Variants in ANKFN1 observed in about 807,000 individuals in gnomAD.
ANKFN1 encodes ankyrin repeat and fibronectin type III domain containing 1.
Under a neutral mutation model 108.7 loss-of-function variants are expected in ANKFN1, and 74 were observed. That is an observed-to-expected ratio of 0.68 (90% CI 0.56 to 0.83). The LOEUF is 0.83. ANKFN1 is among the 40% of genes least tolerant of loss of function. ANKFN1 has a pLI of 0.00. For synonymous variants in ANKFN1, 547 were observed against 516.2 expected, an observed-to-expected ratio of 1.06 and a Z score of -0.81; for missense variants, 1,505 against 1,382.3, an observed-to-expected ratio of 1.09 and a Z score of -1.41.
chr17:56,168,548 AG>A (rs1910365626), intron 1 of ANKFN1, among the ~76,000 whole-genome samples: 1 of 152,226 alleles, frequency 6.6e-6, no homozygotes, highest in South Asian at 2.1e-4. Context: ...TTAAATTCAC[AG>A]GAAATGTATT....
chr17:56,477,353 T>C, intron 15 of ANKFN1, 135 bp from the exon 16 acceptor site: 2 of 794,032 alleles, frequency 2.5e-6, no homozygotes, highest in Non-Finnish European at 1.8e-6. Flanking sequence ...ATGGTATACC[T>C]GAGGTTTCTC....
At chr17:56,492,612 C>T (rs1049905376) in intron 19 of ANKFN1, among the ~76,000 whole-genome samples, 13 of 152,040 alleles carry the variant, frequency 8.6e-5, no homozygotes, top group African/African-American at 3.1e-4. Flanking sequence ...GCTTTCCATA[C>T]GGGAGAGAAA....
chr17:56,248,940 C>T (rs2043176059), intron 3 of ANKFN1, among the ~76,000 whole-genome samples: 3 of 152,276 alleles, frequency 2.0e-5, no homozygotes, highest in Admixed American at 2.0e-4. Context: ...AGCAACCAAA[C>T]TTAATCCGGC....
At chr17:56,447,898 C>T (rs1449996032) in intron 10 of ANKFN1, among the ~76,000 whole-genome samples, 1 of 152,186 alleles carries the variant, frequency 6.6e-6, no homozygotes, top group African/African-American at 2.4e-5. Flanking sequence ...AGGATTCACA[C>T]CTGTGTTTAC....
At chr17:56,079,042 T>C (rs1331580849) in intron 4 of ANKFN1, among the ~76,000 whole-genome samples, 1 of 152,162 alleles carries the variant, frequency 6.6e-6, no homozygotes, top group Non-Finnish European at 1.5e-5. Context: ...CCTGTAGCTC[T>C]TAAACGAGTG....
In ANKFN1 at chr17:56,087,377, G is replaced by T. The variant is rs1028861203; in HGVS notation, c.288+41052G>T. On this transcript the variant is annotated intron_variant, in intron 4 of 12. Coordinates refer to the ANKFN1 transcript ENST00000635860. Reference sequence around the variant, plus strand: ...ATGATGCCTCACCTGACCTTGGAAAGCACGTGTGGAACCCACTATGTCCTT... The same window carrying T: ...ATGATGCCTCACCTGACCTTGGAAATCACGTGTGGAACCCACTATGTCCTT... Among the ~76,000 whole-genome samples the T allele has an allele frequency of 1.5e-4, 23 of 151,384 alleles. 1 individual carries two copies. Among genetic ancestry groups the T allele is most frequent in the African/African-American group, 4.9e-4 (20 of 41,234 alleles).
intron 8 of ANKFN1, among the ~76,000 whole-genome samples, chr17:56,385,711 C>A (rs1441925818): frequency 1.3e-5 from 2 of 152,264 alleles, no homozygotes; most frequent in East Asian, 1.9e-4. Context: ...CCAAAAAACA[C>A]ATGAAAAAAT....
At chr17:56,302,361 C>T (rs1040904621) in intron 3 of ANKFN1, among the ~76,000 whole-genome samples, 1 of 151,752 alleles carries the variant, frequency 6.6e-6, no homozygotes, top group Non-Finnish European at 1.5e-5. Context: ...CTCATCTCTA[C>T]AAAAAATTAA....
intron 6 of ANKFN1, among the ~76,000 whole-genome samples, chr17:56,357,643 C>T (rs1349395946): frequency 6.6e-6 from 1 of 152,164 alleles, no homozygotes; most frequent in East Asian, 1.9e-4. Context: ...TTTTAATTCA[C>T]TTTATATATC....
At chr17:56,106,398 T>C (rs1274822713) in intron 4 of ANKFN1, among the ~76,000 whole-genome samples, 1 of 152,198 alleles carries the variant, frequency 6.6e-6, no homozygotes, top group East Asian at 1.9e-4. Flanking sequence ...TTATGTTACA[T>C]GTGTACAAAG....
At chr17:56,134,276 A>C (rs1268896745) in intron 4 of ANKFN1, among the ~76,000 whole-genome samples, 1 of 152,116 alleles carries the variant, frequency 6.6e-6, no homozygotes, top group Non-Finnish European at 1.5e-5. Flanking sequence ...TGGCACATGG[A>C]TGCATTTGCC....
chr17:56,118,163 A>G (rs570410304), intron 4 of ANKFN1, among the ~76,000 whole-genome samples: 24 of 152,196 alleles, frequency 1.6e-4, no homozygotes, highest in African/African-American at 5.3e-4. Flanking sequence ...TCTACTTCTC[A>G]GCTATTATGC....
intron 6 of ANKFN1, 50 bp from the exon 7 acceptor site, chr17:56,372,596 C>G (rs1341975348): frequency 1.3e-6 from 2 of 1,489,904 alleles, no homozygotes; most frequent in Admixed American, 2.0e-5. Flanking sequence ...TCCAATGAAG[C>G]AGCATTTCCC....
At chr17:56,193,384 C>T (rs1352229080) in intron 1 of ANKFN1, among the ~76,000 whole-genome samples, 1 of 147,522 alleles carries the variant, frequency 6.8e-6, no homozygotes, top group Non-Finnish European at 1.5e-5. Flanking sequence ...CACATGTACC[C>T]TAAAACTTAA....
chr17:56,152,518 G>T (rs1021423058), upstream of ANKFN1, among the ~76,000 whole-genome samples: 2 of 151,928 alleles, frequency 1.3e-5, no homozygotes, highest in Non-Finnish European at 2.9e-5. Context: ...GGGTAATGGG[G>T]CTCTGGGCTC....
At chr17:56,312,621 C>T (rs1434403930) in intron 3 of ANKFN1, among the ~76,000 whole-genome samples, 4 of 152,158 alleles carry the variant, frequency 2.6e-5, no homozygotes, top group South Asian at 2.1e-4. Flanking sequence ...TGCTACCTGT[C>T]GCCTGCTGGA....
At chr17:56,401,475 A>C (rs2047764427) in intron 8 of ANKFN1, among the ~76,000 whole-genome samples, 1 of 151,670 alleles carries the variant, frequency 6.6e-6, no homozygotes, top group East Asian at 1.9e-4. Context: ...TCTTGATTTG[A>C]TTATCTGCTT....
At chr17:56,504,586 T>C (rs937446117) in intron 20 of ANKFN1, among the ~76,000 whole-genome samples, 24 of 152,230 alleles carry the variant, frequency 1.6e-4, no homozygotes, top group African/African-American at 5.3e-4. Flanking sequence ...GATCTTAATA[T>C]GTTATTCTCT....
intron 6 of ANKFN1, among the ~76,000 whole-genome samples, chr17:56,357,587 C>T (rs769017050): frequency 2.0e-5 from 3 of 152,182 alleles, no homozygotes; most frequent in African/African-American, 7.2e-5. Context: ...AGGTGTCAGT[C>T]GTGTTGGAGA....
Sources: gnomAD v4.1 joint callset for allele counts (sites outside exome capture counted in the v4.1 genomes callset) on GRCh38, gnomAD v4.1.1 for gene constraint, MANE v1.5 for transcripts, NCBI Gene and HGNC (gene_info 2026-07-23, HGNC 2026-07-21) for gene names.